Variants in POFUT3 observed in about 807,000 individuals in gnomAD.
POFUT3 encodes the protein GDP-fucose protein O-fucosyltransferase 3.
At chr8:33,308,410 T>A in the POFUT3 span, among the ~76,000 whole-genome samples, 1 of 152,198 alleles carries the variant, frequency 6.6e-6, no homozygotes, top group Non-Finnish European at 1.5e-5. Flanking sequence ...TCAGCTTTTC[T>A]CCCTGGATCC....
chr8:33,470,236 C>CAAAAAAAAAAAAAAAAAAAAAA, the POFUT3 span, among the ~76,000 whole-genome samples: 3 of 89,114 alleles, frequency 3.4e-5, no homozygotes, highest in African/African-American at 9.1e-5. Context: ...CCCATCTCTA[C>CAAAAAAAAAAAAAAAAAAAAAA]AAAAAAAAAA....
the POFUT3 span, among the ~76,000 whole-genome samples, chr8:33,350,134 A>G: frequency 2.0e-5 from 3 of 151,846 alleles, no homozygotes; most frequent in African/African-American, 7.3e-5. Flanking sequence ...CCACTTTTTG[A>G]TGAGTTCCTT....
At chr8:33,367,350 G>C in the POFUT3 span, among the ~76,000 whole-genome samples, 1 of 152,232 alleles carries the variant, frequency 6.6e-6, no homozygotes, top group East Asian at 1.9e-4. Context: ...TCCTGCTGCA[G>C]TTAACTACCC....
chr8:33,332,146 A>AAAG, the POFUT3 span, among the ~76,000 whole-genome samples: 5 of 148,580 alleles, frequency 3.4e-5, no homozygotes, highest in South Asian at 2.2e-4. Flanking sequence ...TTGTCTCAGA[A>AAAG]AAGAAGAAGA....
chr8:33,328,201 A>T, the POFUT3 span, among the ~76,000 whole-genome samples: 1 of 151,902 alleles, frequency 6.6e-6, no homozygotes, highest in Non-Finnish European at 1.5e-5. Flanking sequence ...AGGAGGGGTG[A>T]CTCCTACAGT....
the POFUT3 span, among the ~76,000 whole-genome samples, chr8:33,449,441 G>T: frequency 7.9e-5 from 12 of 151,740 alleles, no homozygotes; most frequent in Non-Finnish European, 4.4e-5. Flanking sequence ...AGGCACCCAT[G>T]ACCATACCTG....
At chr8:33,394,029 T>C in the POFUT3 span, among the ~76,000 whole-genome samples, 6 of 151,976 alleles carry the variant, frequency 3.9e-5, no homozygotes, top group Non-Finnish European at 8.8e-5. Flanking sequence ...GAAATGTTTT[T>C]AAAAAATTAG....
the POFUT3 span, among the ~76,000 whole-genome samples, chr8:33,447,706 A>C: frequency 6.6e-6 from 1 of 152,220 alleles, no homozygotes; most frequent in South Asian, 2.1e-4. Flanking sequence ...AAAGGTAACA[A>C]ACAAAATTTA....
the POFUT3 span, chr8:33,461,757 G>A: frequency 5.2e-5 from 47 of 904,906 alleles, no homozygotes; most frequent in East Asian, 2.1e-4. Context: ...TAGCCATAGC[G>A]CAGATTTAAT....
At chr8:33,353,715 G>A in the POFUT3 span, among the ~76,000 whole-genome samples, 3 of 152,156 alleles carry the variant, frequency 2.0e-5, no homozygotes, top group African/African-American at 7.2e-5. Context: ...CAGTCAGAGG[G>A]AGAAAGTGTG....
the POFUT3 span, among the ~76,000 whole-genome samples, chr8:33,470,933 AT>A: frequency 1.1e-3 from 160 of 152,272 alleles, 5 homozygotes; most frequent in African/African-American, 3.7e-3. Flanking sequence ...AACTTGAGTC[AT>A]CACAAAGTAA....
At chr8:33,319,252 T>A in the POFUT3 span, among the ~76,000 whole-genome samples, 16 of 88,262 alleles carry the variant, frequency 1.8e-4, 4 homozygotes, top group African/African-American at 9.3e-4. Context: ...TAAATATATT[T>A]TATATATTTT....
chr8:33,407,995 A>G, the POFUT3 span, among the ~76,000 whole-genome samples: 1 of 151,146 alleles, frequency 6.6e-6, no homozygotes. Flanking sequence ...CTCAAAAAAA[A>G]AAAAAAAAAA....
chr8:33,381,612 A>C, the POFUT3 span, among the ~76,000 whole-genome samples: 1 of 152,166 alleles, frequency 6.6e-6, no homozygotes, highest in African/African-American at 2.4e-5. Flanking sequence ...GTACCAAAGG[A>C]TGTCTTATGC....
the POFUT3 span, among the ~76,000 whole-genome samples, chr8:33,458,669 T>A: frequency 1.3e-5 from 2 of 151,902 alleles, no homozygotes; most frequent in South Asian, 4.2e-4. Flanking sequence ...TGAGCCCAGA[T>A]CGCACCTTGC....
chr8:33,398,706 G>A, the POFUT3 span, among the ~76,000 whole-genome samples: 4 of 151,900 alleles, frequency 2.6e-5, no homozygotes, highest in Non-Finnish European at 2.9e-5. Flanking sequence ...CATGTACCCC[G>A]GAACCTAAAA....
At chr8:33,460,441 A>G in the POFUT3 span, among the ~76,000 whole-genome samples, 1 of 152,212 alleles carries the variant, frequency 6.6e-6, no homozygotes, top group African/African-American at 2.4e-5. Context: ...AACTAAGCAC[A>G]CGTTTCAGTT....
At chr8:33,460,188 CAA>C in the POFUT3 span, among the ~76,000 whole-genome samples, 214 of 138,900 alleles carry the variant, frequency 1.5e-3, no homozygotes, top group Non-Finnish European at 1.4e-3. Context: ...GACTCCACCT[CAA>C]AAAAAAAAAA....
the POFUT3 span, among the ~76,000 whole-genome samples, chr8:33,472,689 C>CGGACCTGGGGAGGAGGCCGATCGGGGCA: frequency 1.3e-5 from 2 of 152,190 alleles, no homozygotes; most frequent in African/African-American, 2.4e-5. Context: ...TGGACGGCCG[C>CGGACCTGGGGAGGAGGCCGATCGGGGCA]GGACCTGGGG....
Sources: gnomAD v4.1 joint callset for allele counts (sites outside exome capture counted in the v4.1 genomes callset) on GRCh38, gnomAD v4.1.1 for gene constraint, MANE v1.5 for transcripts, NCBI Gene and HGNC (gene_info 2026-07-23, HGNC 2026-07-21) for gene names.